The following GPC6 variants were observed in gnomAD, a reference collection of about 807,000 sequenced individuals.
GPC6 encodes glypican 6, also known as glypican-6.
In GPC6, 14 loss-of-function variants were observed where a neutral mutation model predicts 55.2. The observed-to-expected ratio is 0.25, with a 90% CI of 0.17 to 0.40. The LOEUF is 0.40. Among genes scored for constraint, GPC6 ranks in the 10% least tolerant of loss-of-function variants. GPC6 has a pLI of 1.00. For missense variants in GPC6, 641 were observed against 708.5 expected, an observed-to-expected ratio of 0.90 and a Z score of 1.08; for synonymous variants, 278 against 259.6, an observed-to-expected ratio of 1.07 and a Z score of -0.68.
chr13:93,725,339 G>A (rs559079435), intron 2 of GPC6, among the ~76,000 whole-genome samples: 1 of 152,054 alleles, frequency 6.6e-6, no homozygotes, highest in Non-Finnish European at 1.5e-5. Context: ...ACTCTTGGTT[G>A]TAAGGCCTTA....
intron 1 of GPC6, among the ~76,000 whole-genome samples, chr13:93,532,504 G>T (rs1436629142): frequency 2.0e-5 from 3 of 152,106 alleles, no homozygotes; most frequent in African/African-American, 7.2e-5. Flanking sequence ...TAATTTACAA[G>T]TTTAATGATT....
chr13:94,211,666 C>T (rs1890083152), intron 4 of GPC6, among the ~76,000 whole-genome samples: 2 of 152,138 alleles, frequency 1.3e-5, no homozygotes, highest in African/African-American at 4.8e-5. Flanking sequence ...TGAGAGAAGG[C>T]TTACGTGGTC....
chr13:93,786,620 C>A (rs1337506104), intron 2 of GPC6, among the ~76,000 whole-genome samples: 5 of 149,604 alleles, frequency 3.3e-5, no homozygotes, highest in African/African-American at 1.2e-4. Context: ...CATTAAAATG[C>A]AATAAATTGT....
At chr13:93,860,293 T>C (rs1438568398) in intron 3 of GPC6, among the ~76,000 whole-genome samples, 1 of 151,668 alleles carries the variant, frequency 6.6e-6, no homozygotes, top group Non-Finnish European at 1.5e-5. Context: ...ATAGGGACCA[T>C]GTATGTCCAA....
chr13:94,296,510 G>A (rs1053298933), intron 5 of GPC6, among the ~76,000 whole-genome samples: 3 of 152,192 alleles, frequency 2.0e-5, no homozygotes, highest in Non-Finnish European at 4.4e-5. Context: ...CTTCTCATGG[G>A]CAGTGAAGTA....
chr13:93,888,730 A>G (rs530923318), intron 3 of GPC6, among the ~76,000 whole-genome samples: 1 of 152,280 alleles, frequency 6.6e-6, no homozygotes, highest in East Asian at 1.9e-4. Context: ...AGAAGTGCTT[A>G]TATTTTCAGA....
chr13:93,620,739 A>G (rs1458981407), intron 2 of GPC6, among the ~76,000 whole-genome samples: 1 of 152,130 alleles, frequency 6.6e-6, no homozygotes, highest in East Asian at 1.9e-4. Context: ...CACAAAGCAG[A>G]ATTCCCTTTG....
In GPC6 at chr13:93,623,463, T is replaced by TC. The variant is rs755599437; in HGVS notation, c.319+78042_319+78043insC. On this transcript the variant is annotated intron_variant, in intron 2 of 8. Transcript: ENST00000377047. Reference sequence around the variant, plus strand: ...TTCTTTTCTTTTCTTTTCTTTTTTTTTTTTTTTTTTTTTGAGACGGAGTCT... The same window carrying TC: ...TTCTTTTCTTTTCTTTTCTTTTTTTTCTTTTTTTTTTTTTGAGACGGAGTCT... 4.9e-3 allele frequency among the ~76,000 whole-genome samples: 696 copies of TC among 143,390 alleles called. 6 individuals are homozygous for TC. Among genetic ancestry groups the TC allele is most frequent in the Non-Finnish European group, 7.5e-3 (489 of 65,170 alleles). 94.1% of individuals were successfully genotyped at this position (143,390 alleles called of 152,430 possible).
chr13:94,061,404 G>T (rs1032317130), intron 4 of GPC6, among the ~76,000 whole-genome samples: 1 of 152,158 alleles, frequency 6.6e-6, no homozygotes, highest in African/African-American at 2.4e-5. Context: ...GATTTGCAGT[G>T]ATTTGCACTC....
At chr13:94,377,470 GA>G (rs1269508131) in intron 6 of GPC6, among the ~76,000 whole-genome samples, 1 of 147,976 alleles carries the variant, frequency 6.8e-6, no homozygotes, top group African/African-American at 2.5e-5. Context: ...GGCCATCAGA[GA>G]AATGCAAATC....
chr13:93,249,307 A>G (rs1482970465), intron 1 of GPC6, among the ~76,000 whole-genome samples: 1 of 152,196 alleles, frequency 6.6e-6, no homozygotes, highest in Non-Finnish European at 1.5e-5. Flanking sequence ...CTTTAAATTG[A>G]TTGATTTTAA....
chr13:94,291,407 C>A (rs1874969769), intron 5 of GPC6, among the ~76,000 whole-genome samples: 1 of 151,912 alleles, frequency 6.6e-6, no homozygotes, highest in African/African-American at 2.4e-5. Context: ...AAGCCAGGAG[C>A]CTAATGTGGA....
chr13:93,841,949 CATT>C (rs756963105), intron 3 of GPC6, among the ~76,000 whole-genome samples: 11 of 152,094 alleles, frequency 7.2e-5, no homozygotes, highest in South Asian at 2.1e-4. Context: ...ATTACGGAAA[CATT>C]ATGCATACTA....
At chr13:93,771,735 A>T (rs1303980403) in intron 2 of GPC6, among the ~76,000 whole-genome samples, 1 of 151,734 alleles carries the variant, frequency 6.6e-6, no homozygotes, top group African/African-American at 2.4e-5. Flanking sequence ...TAATAAAAAA[A>T]GTCAAGCATA....
At chr13:93,275,750 C>A (rs1266602239) in intron 1 of GPC6, among the ~76,000 whole-genome samples, 3 of 152,180 alleles carry the variant, frequency 2.0e-5, no homozygotes, top group Admixed American at 1.3e-4. Context: ...ATGTCCTCAT[C>A]TTAACCTAAT....
At chr13:93,428,807 C>T (rs1877249220) in intron 1 of GPC6, among the ~76,000 whole-genome samples, 1 of 152,078 alleles carries the variant, frequency 6.6e-6, no homozygotes, top group Admixed American at 6.6e-5. Flanking sequence ...TTAGCCTAAG[C>T]TTCTGTGAAA....
rs1436700930 is a variant in GPC6, at chr13:93,822,835, ATTATTATTATTATTATTATT to A, written c.320-7296_320-7277del. On this transcript the variant is annotated intron_variant, in intron 2 of 8. Coordinates refer to ENST00000377047, the MANE Select transcript of GPC6 (RefSeq NM_005708.5). The stretch of plus-strand genomic sequence containing the variant: ...GTATAAGTGCCACATTTTCTTTATT[ATTATTATTATTATTATTATT>A]TTATTATTATTATTATTATTTTCTT... Among the ~76,000 whole-genome samples, 45 of 143,542 alleles carry A rather than the reference ATTATTATTATTATTATTATT, an allele frequency of 3.1e-4. No homozygotes were observed. The East Asian group carries it at 4.2e-3, about 13-fold the overall frequency. The allele number at this position is 143,542 out of a possible 152,430, so 94.2% of individuals were successfully genotyped here.
chr13:94,026,147 A>G (rs1882887368), intron 3 of GPC6, among the ~76,000 whole-genome samples: 1 of 152,180 alleles, frequency 6.6e-6, no homozygotes, highest in Non-Finnish European at 1.5e-5. Flanking sequence ...CAAAAGGACA[A>G]CTAGAAATTT....
intron 6 of GPC6, among the ~76,000 whole-genome samples, chr13:94,324,327 A>AAC: frequency 6.6e-6 from 1 of 151,732 alleles, no homozygotes; most frequent in African/African-American, 2.4e-5. Context: ...AAAAAAAAAA[A>AAC]AAACTCAAGC....
Sources: allele counts gnomAD v4.1 joint callset (sites outside exome capture counted in the v4.1 genomes callset), GRCh38; gene constraint gnomAD v4.1.1; transcripts MANE v1.5; gene names NCBI Gene and HGNC (gene_info 2026-07-23, HGNC 2026-07-21).